EP300: variants seen among roughly 807,000 people sequenced by gnomAD.
EP300 encodes the protein histone acetyltransferase p300.
In EP300, 31 loss-of-function variants were observed where a neutral mutation model predicts 264.0. That is an observed-to-expected ratio of 0.12 (90% CI 0.09 to 0.16). The LOEUF is 0.16. Among genes scored for constraint, EP300 ranks in the 10% least tolerant of loss-of-function variants. The probability of loss-of-function intolerance (pLI) is 1.00; values close to 1 mark genes in which losing one functional copy is unlikely to be tolerated. For missense variants in EP300, 2,766 were observed against 3,052.9 expected, an observed-to-expected ratio of 0.91 and a Z score of 2.21; for synonymous variants, 1,340 against 1,045.4, an observed-to-expected ratio of 1.28 and a Z score of -5.44.
chr22:41,150,725 CAAA>C (rs2059039338), intron 14 of EP300, among the ~76,000 whole-genome samples: 1 of 151,646 alleles, frequency 6.6e-6, no homozygotes, highest in Non-Finnish European at 1.5e-5. Flanking sequence ...CCTGTCTCTA[CAAA>C]AAAATAACAA....
At chr22:41,151,137 C>G (rs1315296819) in intron 14 of EP300, among the ~76,000 whole-genome samples, 1 of 151,946 alleles carries the variant, frequency 6.6e-6, no homozygotes. Context: ...TAGTTCTCAG[C>G]CATGTTGATG....
Position 41,169,517 on chromosome 22 carries a change from C to T in EP300, c.4187C>T (p.Ser1396Phe), listed in dbSNP as rs2145764978. Residue 1396 changes from serine to phenylalanine, a missense_variant, in exon 26 of 31, where the codon TCT becomes TTT. By Grantham distance (155) the Ser-to-Phe change is radical. Transcript: ENST00000263253. ...PPPNQRRVYISYLDSVHFFRP... is the reference protein window; with the variant it reads ...PPPNQRRVYIFYLDSVHFFRP... Reference sequence around the variant, plus strand: ...ATTTTGTATAGGAGAGTATACATATCTTACCTCGATAGTGTTCATTTCTTC... The same window carrying T: ...ATTTTGTATAGGAGAGTATACATATTTTACCTCGATAGTGTTCATTTCTTC... 1 of 1,606,182 alleles carries T rather than the reference C, an allele frequency of 6.2e-7. No homozygotes were observed. Among genetic ancestry groups the T allele is most frequent in the Non-Finnish European group, 8.5e-7 (1 of 1,175,078 alleles).
intron 14 of EP300, among the ~76,000 whole-genome samples, chr22:41,150,852 C>G (rs1390962290): frequency 1.3e-5 from 2 of 150,568 alleles, no homozygotes; most frequent in Non-Finnish European, 2.9e-5. Context: ...GATTGCGCCA[C>G]TGCACTCTAG....
chr22:41,167,578 GTGTGTGTATATATATATATATATATATA>G lies in EP300; in HGVS notation c.3875-869_3875-842del, dbSNP rs1293238672. Among the ~76,000 whole-genome samples the G allele has an allele frequency of 8.7e-4, 24 of 27,688 alleles. 1 individual carries two copies. The highest frequency in any genetic ancestry group is 3.2e-3 in the African/African-American group (21 of 6,578). 18.2% of individuals were successfully genotyped at this position (27,688 alleles called of 152,430 possible). On this transcript the variant is annotated intron_variant, in intron 23 of 30. Transcript: ENST00000263253. The stretch of plus-strand genomic sequence containing the variant: ...TATATATTTGTGTGTGTGTGTGTGT[GTGTGTGTATATATATATATATATATATA>G]TATATATATATATATATATATATAT...
intron 9 of EP300, among the ~76,000 whole-genome samples, chr22:41,140,734 G>C (rs1314892277): frequency 2.0e-5 from 3 of 152,138 alleles, no homozygotes; most frequent in Non-Finnish European, 4.4e-5. Context: ...TGGAAGTCAA[G>C]CTGCAGTGAT....
chr22:41,101,414 CTTTT>C (rs72279139), intron 1 of EP300, among the ~76,000 whole-genome samples: 1 of 139,164 alleles, frequency 7.2e-6, no homozygotes, highest in Admixed American at 7.3e-5. Context: ...TTACATGGAT[CTTTT>C]TTTTTTTTTT....
At chr22:41,170,330 A>T (rs2145766134) in intron 26 of EP300, 76 bp from the exon 27 acceptor site, 1 of 1,416,018 alleles carries the variant, frequency 7.1e-7, no homozygotes, top group Non-Finnish European at 1.0e-6. Flanking sequence ...TATCAACTCC[A>T]ACTTGTGGTT....
chr22:41,152,910 A>G (rs1167999488), intron 16 of EP300, among the ~76,000 whole-genome samples: 1 of 152,016 alleles, frequency 6.6e-6, no homozygotes, highest in Non-Finnish European at 1.5e-5. Context: ...TGCGCATGCC[A>G]CCATGCCCGT....
chr22:41,157,863 C>CTT (rs1158512714), intron 18 of EP300, among the ~76,000 whole-genome samples: 1 of 152,124 alleles, frequency 6.6e-6, no homozygotes, highest in Non-Finnish European at 1.5e-5. Flanking sequence ...AGTAATATCT[C>CTT]TTAATATGAA....
At chr22:41,160,388 G>C in intron 19 of EP300, 1 of 423,976 alleles carries the variant, frequency 2.4e-6, no homozygotes, top group Non-Finnish European at 4.3e-6. Flanking sequence ...TCTCCCTCAT[G>C]CTTGTCGTTG....
In EP300 at chr22:41,175,987, A is replaced by T. The variant is rs367856124; in HGVS notation, c.4780-260A>T. 1.2e-5 allele frequency: 6 copies of T among 504,676 alleles called. No individual in the cohort carries two copies. In the East Asian group the frequency reaches 1.5e-4, roughly 12 times the overall value. The allele number at this position is 504,676 out of a possible 1,614,324, so 31.3% of individuals were successfully genotyped here. ...GTAATCCCAGCACTCTGGGAGGCTG[A>T]GGCAGGCAGATCACTTGAGCTTAGG... On this transcript the variant is annotated intron_variant, in intron 29 of 30. Coordinates refer to ENST00000263253, the MANE Select transcript of EP300 (RefSeq NM_001429.4).
intron 3 of EP300, 77 bp from the exon 4 acceptor site, chr22:41,127,410 A>C: frequency 6.3e-7 from 1 of 1,587,392 alleles, no homozygotes. Flanking sequence ...GTTTTCATTG[A>C]AAATATCCAC....
intron 29 of EP300, 189 bp from the exon 30 acceptor site, chr22:41,176,058 A>G (rs2059198586): frequency 1.5e-6 from 1 of 663,378 alleles, no homozygotes; most frequent in East Asian, 2.7e-5. Flanking sequence ...CGTCTCTACA[A>G]AAAATGCAGA....
intron 25 of EP300, 116 bp downstream of exon 25, chr22:41,168,983 A>G (rs2059155385): frequency 5.7e-6 from 8 of 1,415,838 alleles, no homozygotes; most frequent in Middle Eastern, 2.4e-4. Flanking sequence ...GAAATGCAAA[A>G]TCTCAAGTGT....
chr22:41,153,408 A>G (rs977584373), intron 16 of EP300, among the ~76,000 whole-genome samples: 1 of 152,178 alleles, frequency 6.6e-6, no homozygotes, highest in African/African-American at 2.4e-5. Flanking sequence ...AGACTTGTAT[A>G]TATTGAGGTG....
At chr22:41,143,294 A>T (rs146558547) in intron 10 of EP300, among the ~76,000 whole-genome samples, 1 of 152,248 alleles carries the variant, frequency 6.6e-6, no homozygotes, top group Non-Finnish European at 1.5e-5. Context: ...TCTATAAAAA[A>T]TACAAAAATT....
At chr22:41,106,738 T>C (rs1307506357) in intron 1 of EP300, among the ~76,000 whole-genome samples, 2 of 149,876 alleles carry the variant, frequency 1.3e-5, no homozygotes, top group Non-Finnish European at 1.5e-5. Flanking sequence ...CCTCAGCCTG[T>C]AGCTGCACCA....
intron 2 of EP300, among the ~76,000 whole-genome samples, chr22:41,125,292 G>T (rs1311834172): frequency 6.6e-6 from 1 of 151,468 alleles, no homozygotes; most frequent in East Asian, 1.9e-4. Context: ...CTAATTTTTT[G>T]TATTTTTAGT....
At chr22:41,099,675 A>C (rs2058720677) in intron 1 of EP300, among the ~76,000 whole-genome samples, 1 of 152,154 alleles carries the variant, frequency 6.6e-6, no homozygotes, top group Non-Finnish European at 1.5e-5. Context: ...ACCTTCAAGC[A>C]ATTTACAGCT....
Sources: allele counts gnomAD v4.1 joint callset (sites outside exome capture counted in the v4.1 genomes callset), GRCh38; gene constraint gnomAD v4.1.1; transcripts MANE v1.5; gene names NCBI Gene and HGNC (gene_info 2026-07-23, HGNC 2026-07-21).